GPC5: variants seen among roughly 807,000 people sequenced by gnomAD.
GPC5 encodes the protein glypican-5.
In GPC5, 47 loss-of-function variants were observed where a neutral mutation model predicts 53.9. That is an observed-to-expected ratio of 0.87 (90% CI 0.69 to 1.11). The LOEUF (loss-of-function observed/expected upper bound fraction) is 1.11. GPC5 is among the 50% of genes most tolerant of loss of function. GPC5 has a pLI of 0.00. For synonymous variants in GPC5, 286 were observed against 263.3 expected (o/e 1.09, Z -0.84); for missense variants, 748 against 713.1 (o/e 1.05, Z -0.56).
chr13:91,669,045 C>G (rs1412934584), intron 2 of GPC5, among the ~76,000 whole-genome samples: 1 of 152,128 alleles, frequency 6.6e-6, no homozygotes, highest in Non-Finnish European at 1.5e-5. Flanking sequence ...AAATATTGTG[C>G]AATCCTGCAT....
At chr13:91,594,847 AT>A (rs924042238) in intron 2 of GPC5, among the ~76,000 whole-genome samples, 32 of 151,540 alleles carry the variant, frequency 2.1e-4, no homozygotes, top group African/African-American at 6.1e-4. Context: ...AGCTAATTTT[AT>A]TTTTTTGTAG....
chr13:92,019,828 A>G (rs1042111820), intron 6 of GPC5, among the ~76,000 whole-genome samples: 4 of 152,104 alleles, frequency 2.6e-5, no homozygotes, highest in Non-Finnish European at 4.4e-5. Context: ...TATTTCATGT[A>G]TAGTGGCTAA....
intron 7 of GPC5, among the ~76,000 whole-genome samples, chr13:92,655,123 G>A (rs2139173036): frequency 6.6e-6 from 1 of 152,186 alleles, no homozygotes; most frequent in Non-Finnish European, 1.5e-5. Flanking sequence ...CATTTCAAAT[G>A]TTCAGACTCC....
intron 7 of GPC5, among the ~76,000 whole-genome samples, chr13:92,844,466 T>C (rs7336987): frequency 0.35 from 53,334 of 151,804 alleles, 11,974 homozygotes; most frequent in East Asian, 0.71. Context: ...TTAACCGGAG[T>C]AGAAACTTAA....
rs1229765415 is a variant in GPC5 at position 91,693,298 on chromosome 13, C to G, written c.437C>G (p.Thr146Ser). 1.9e-6 allele frequency: 3 copies of G among 1,613,980 alleles called. No homozygotes were observed. Among genetic ancestry groups the G allele is most frequent in the African/African-American group, 2.7e-5 (2 of 74,904 alleles). The change falls in exon 3 of 8, where the codon ACT (threonine) becomes AGT (serine). Residue 146 changes from threonine (T) to serine (S), a missense_variant. Physicochemically the swap from Thr to Ser is moderately conservative, Grantham distance 58 (BLOSUM62 1). Coordinates refer to ENST00000377067, the MANE Select transcript of GPC5 (RefSeq NM_004466.6). ...GCTGCTTCGGTTCAGGAGTTCTTCACTGATGTGGGGCTGTATTTATTTGGT... is the reference window on the plus strand; with the variant it reads ...GCTGCTTCGGTTCAGGAGTTCTTCAGTGATGTGGGGCTGTATTTATTTGGT... ...EAAASVQEFF[T>S]DVGLYLFGAD...
Position 91,422,044 on chromosome 13 carries a change from C to T in GPC5, c.163+22835C>T, listed in dbSNP as rs146377690. The stretch of plus-strand genomic sequence containing the variant: ...GTCCAGCACCTTTCTGATGATGATC[C>T]TTCCCTATACCACTGGGACTCCTGA... On this transcript the variant is annotated intron_variant, in intron 1 of 7. Coordinates refer to ENST00000377067, the MANE Select transcript of GPC5 (RefSeq NM_004466.6). Among the ~76,000 whole-genome samples, 457 of 152,266 alleles carry T rather than the reference C, an allele frequency of 3.0e-3. 1 individual carries two copies. Among genetic ancestry groups the T allele is most frequent in the Non-Finnish European group, 4.8e-3 (328 of 68,016 alleles).
intron 7 of GPC5, among the ~76,000 whole-genome samples, chr13:92,189,533 C>T (rs1206311475): frequency 6.6e-6 from 1 of 152,130 alleles, no homozygotes; most frequent in Non-Finnish European, 1.5e-5. Context: ...CACTACATTA[C>T]TGAAGGCCTG....
chr13:91,935,885 G>A (rs773102305), intron 6 of GPC5, among the ~76,000 whole-genome samples: 1 of 151,952 alleles, frequency 6.6e-6, no homozygotes, highest in South Asian at 2.1e-4. Flanking sequence ...AGATGAAATT[G>A]CCTAGGGAAA....
chr13:92,023,667 C>CAA (rs1370192859), intron 6 of GPC5, among the ~76,000 whole-genome samples: 1 of 100,454 alleles, frequency 1.0e-5, no homozygotes, highest in Non-Finnish European at 2.2e-5. Flanking sequence ...TTGCTGAGGA[C>CAA]ACACACACAC....
Position 91,627,840 on chromosome 13 carries a change from C to T in GPC5, c.326-65347C>T, listed in dbSNP as rs1011129317. On this transcript the variant is annotated intron_variant, in intron 2 of 7. Transcript: ENST00000377067. Reference sequence around the variant, plus strand: ...AAAACTGTAATAACATATTATGTTCCTCCTAATAGTATTCTTCAATATCAA... The same window carrying T: ...AAAACTGTAATAACATATTATGTTCTTCCTAATAGTATTCTTCAATATCAA... Among the ~76,000 whole-genome samples the T allele has an allele frequency of 7.2e-5, 11 of 152,178 alleles. No individual in the cohort carries two copies. In the South Asian group the frequency reaches 8.3e-4, roughly 11 times the overall value.
At position 92,748,477 on chromosome 13, in the gene GPC5, G is replaced by A. The variant is rs907957606; in HGVS notation, c.1562-117805G>A. On this transcript the variant is annotated intron_variant, in intron 7 of 7. Coordinates refer to ENST00000377067, the MANE Select transcript of GPC5 (RefSeq NM_004466.6). The stretch of plus-strand genomic sequence containing the variant: ...CTCCTGAGTAGCTGGTATTACAGGC[G>A]CCCTGCTAATTGTTTGTAATTTTTT... 4.7e-4 allele frequency among the ~76,000 whole-genome samples: 72 copies of A among 151,628 alleles called. 1 individual carries two copies. Among genetic ancestry groups the A allele is most frequent in the Admixed American group, 1.4e-3 (21 of 15,218 alleles).
chr13:91,467,294 CCT>C lies in GPC5; in HGVS notation c.325+18373_325+18374del, dbSNP rs1383358575. Among the ~76,000 whole-genome samples, 12 of 152,154 alleles carry C rather than the reference CCT, an allele frequency of 7.9e-5. No individual in the cohort carries two copies. In the South Asian group the frequency reaches 1.5e-3, roughly 18 times the overall value. On this transcript the variant is annotated intron_variant, in intron 2 of 7. Transcript: ENST00000377067. Reference sequence around the variant, plus strand: ...GGTGAAAAACAATAGTCAGGTGATCCCTGTCACCACAGAGGGAGAAAGGGTCT... The same window carrying C: ...GGTGAAAAACAATAGTCAGGTGATCCGTCACCACAGAGGGAGAAAGGGTCT...
chr13:92,255,224 T>C (rs2042719097), intron 7 of GPC5, among the ~76,000 whole-genome samples: 1 of 152,072 alleles, frequency 6.6e-6, no homozygotes, highest in African/African-American at 2.4e-5. Context: ...TATACTAGGG[T>C]ACTTACCAAG....
intron 7 of GPC5, among the ~76,000 whole-genome samples, chr13:92,811,373 T>A (rs925908604): frequency 6.6e-6 from 1 of 152,006 alleles, no homozygotes; most frequent in African/African-American, 2.4e-5. Context: ...GTTTCCCTAA[T>A]GAATAATGAT....
At position 92,524,201 on chromosome 13, in the gene GPC5, A is replaced by G. The variant is rs1016022399; in HGVS notation, c.1562-342081A>G. ...AGCAGAATTTGTTTCAAAACTTTGA[A>G]TCCTTTCAAACCACATCTCTCCTAA... On this transcript the variant is annotated intron_variant, in intron 7 of 7. Coordinates refer to ENST00000377067, the MANE Select transcript of GPC5 (RefSeq NM_004466.6). Among the ~76,000 whole-genome samples the G allele has an allele frequency of 1.6e-4, 25 of 152,226 alleles. 1 individual carries two copies. Among genetic ancestry groups the G allele is most frequent in the Admixed American group, 6.5e-4 (10 of 15,270 alleles).
intron 2 of GPC5, among the ~76,000 whole-genome samples, chr13:91,587,239 C>T (rs2032631713): frequency 6.6e-6 from 1 of 152,042 alleles, no homozygotes; most frequent in Admixed American, 6.5e-5. Context: ...GAGTTATTTA[C>T]AGATAGAACT....
chr13:92,452,599 A>C (rs1878108409), intron 7 of GPC5, among the ~76,000 whole-genome samples: 1 of 151,722 alleles, frequency 6.6e-6, no homozygotes, highest in African/African-American at 2.4e-5. Context: ...ACCAAGTCCC[A>C]CTCTGTCGCC....
chr13:92,325,661 T>C lies in GPC5; in HGVS notation c.1561+180672T>C, dbSNP rs530991312. Among the ~76,000 whole-genome samples, 28 of 152,222 alleles carry C rather than the reference T, an allele frequency of 1.8e-4. No individual in the cohort carries two copies. The South Asian group carries it at 5.2e-3, about 28-fold the overall frequency. ...GTAGTAGAGCCACACAATGGAATAC[T>C]TCTTAGTAATAAAAAAGAATGAGCT... is the stretch of plus-strand genomic sequence containing the variant. On this transcript the variant is annotated intron_variant, in intron 7 of 7. Coordinates refer to ENST00000377067, the MANE Select transcript of GPC5 (RefSeq NM_004466.6).
chr13:92,479,488 A>G (rs1879271653), intron 7 of GPC5, among the ~76,000 whole-genome samples: 1 of 152,218 alleles, frequency 6.6e-6, no homozygotes, highest in Admixed American at 6.5e-5. Flanking sequence ...TGGTCTGAGG[A>G]GAGAATTCAG....
Sources: allele counts gnomAD v4.1 joint callset (sites outside exome capture counted in the v4.1 genomes callset), GRCh38; gene constraint gnomAD v4.1.1; transcripts MANE v1.5; gene names NCBI Gene and HGNC (gene_info 2026-07-23, HGNC 2026-07-21).